CNKSR2: variants seen among roughly 807,000 people sequenced by gnomAD.
The protein encoded by CNKSR2 is connector enhancer of kinase suppressor of Ras 2.
A neutral mutation model predicts 84.4 loss-of-function variants in CNKSR2; 14 were observed. That is an observed-to-expected ratio of 0.17 (90% CI 0.11 to 0.26). The LOEUF (loss-of-function observed/expected upper bound fraction) is 0.26. Ranked by LOEUF, CNKSR2 falls within the 10% of genes least tolerant of loss-of-function variation. The pLI, the probability that CNKSR2 is intolerant of heterozygous loss-of-function variation, is 1.00. For missense variants in CNKSR2, 485 were observed against 771.2 expected (o/e 0.63, Z 4.40); for synonymous variants, 275 against 277.9 (o/e 0.99, Z 0.10).
chrX:21,523,517 A>G (rs1480348539), intron 9 of CNKSR2, among the ~76,000 whole-genome samples: 3 of 110,936 alleles, frequency 2.7e-5, no homozygotes, highest in East Asian at 2.8e-4. Context: ...AACAGTAACT[A>G]CTTTTCTTAC....
intron 9 of CNKSR2, among the ~76,000 whole-genome samples, chrX:21,518,181 A>T (rs1256322136): frequency 9.0e-6 from 1 of 111,457 alleles, no homozygotes; most frequent in East Asian, 2.8e-4. Flanking sequence ...AGTAGATCAG[A>T]CTTTCCCATT....
At chrX:21,524,983 G>A (rs927256698) in intron 9 of CNKSR2, among the ~76,000 whole-genome samples, 1 of 110,913 alleles carries the variant, frequency 9.0e-6, no homozygotes, top group Non-Finnish European at 1.9e-5. Context: ...TCTGTTAAGT[G>A]AATGTTTTCT....
chrX:21,512,081 T>G (rs936628565), intron 8 of CNKSR2, among the ~76,000 whole-genome samples: 1 of 112,026 alleles, frequency 8.9e-6, no homozygotes, highest in African/African-American at 3.2e-5. Flanking sequence ...TTCACTGTTG[T>G]ATTCATACTA....
intron 18 of CNKSR2, among the ~76,000 whole-genome samples, chrX:21,605,279 A>C (rs1032813615): frequency 1.8e-5 from 2 of 112,088 alleles, no homozygotes; most frequent in African/African-American, 6.5e-5. Context: ...TTTGAGGGAA[A>C]ACTTGGTATA....
chrX:21,604,367 A>G (rs1190546024), intron 18 of CNKSR2, among the ~76,000 whole-genome samples: 2 of 110,895 alleles, frequency 1.8e-5, no homozygotes, highest in Non-Finnish European at 3.8e-5. Flanking sequence ...CCTAATGTAA[A>G]TGACAAGTTA....
chrX:21,416,937 C>G (rs1181694383), intron 1 of CNKSR2, among the ~76,000 whole-genome samples: 2 of 110,868 alleles, frequency 1.8e-5, no homozygotes, highest in African/African-American at 6.6e-5. Context: ...ATGGTCTTAT[C>G]TTTATTATCT....
intron 11 of CNKSR2, among the ~76,000 whole-genome samples, chrX:21,535,963 T>A (rs985963825): frequency 9.0e-6 from 1 of 111,727 alleles, no homozygotes; most frequent in Non-Finnish European, 1.9e-5. Context: ...GAGAAAAAGC[T>A]TTCCACTTTT....
chrX:21,558,770 ATGTT>A (rs1340945127), intron 11 of CNKSR2, among the ~76,000 whole-genome samples: 1 of 111,169 alleles, frequency 9.0e-6, no homozygotes, highest in Non-Finnish European at 1.9e-5. Flanking sequence ...TTGTGCACAT[ATGTT>A]TGTCTCCAAA....
In CNKSR2 at chrX:21,374,886, G is replaced by A; in HGVS notation, c.-12G>A. ...TGAGCTCTGCGCTCTGCACGGAACC[G>A]ACCCCGTACCCATGGCTCTGATAAT... On this transcript the variant is annotated 5_prime_UTR_variant, in exon 1 of 22. Coordinates refer to ENST00000379510, the MANE Select transcript of CNKSR2 (RefSeq NM_014927.5). The A allele has an allele frequency of 8.3e-7, 1 of 1,206,742 alleles. No individual in the cohort carries two copies. Among genetic ancestry groups the A allele is most frequent in the Non-Finnish European group, 1.1e-6 (1 of 890,554 alleles).
chrX:21,475,482 A>G (rs2091250975), intron 5 of CNKSR2, among the ~76,000 whole-genome samples: 1 of 111,763 alleles, frequency 8.9e-6, no homozygotes, highest in Non-Finnish European at 1.9e-5. Flanking sequence ...TTAGAATCCT[A>G]TGTAATATAT....
At position 21,499,588 on chromosome X, in the gene CNKSR2, G is replaced by T. The variant is rs934286287; in HGVS notation, c.741+1742G>T. Among the ~76,000 whole-genome samples, 3 of 110,764 alleles carry T rather than the reference G, an allele frequency of 2.7e-5. 1 individual carries two copies. Among genetic ancestry groups the T allele is most frequent in the Non-Finnish European group, 5.7e-5 (3 of 52,594 alleles). On this transcript the variant is annotated intron_variant, in intron 7 of 21. Coordinates refer to ENST00000379510, the MANE Select transcript of CNKSR2 (RefSeq NM_014927.5). The stretch of plus-strand genomic sequence containing the variant: ...GTGATCAAAAGAGAGATTGAGTCTG[G>T]GAGTAGTTCAGATATGAACCATATA...
At chrX:21,585,731 T>C (rs2092382951) in intron 13 of CNKSR2, among the ~76,000 whole-genome samples, 1 of 111,184 alleles carries the variant, frequency 9.0e-6, no homozygotes, top group Non-Finnish European at 1.9e-5. Flanking sequence ...AATTCTTAAG[T>C]TGCTAAAGGT....
chrX:21,544,795 C>T (rs1486946903), intron 11 of CNKSR2, among the ~76,000 whole-genome samples: 1 of 111,055 alleles, frequency 9.0e-6, no homozygotes, highest in Non-Finnish European at 1.9e-5. Flanking sequence ...GGTCGGGGAC[C>T]TCCCTCCCCT....
chrX:21,622,962 A>G (rs2092608046), intron 20 of CNKSR2, among the ~76,000 whole-genome samples: 1 of 111,603 alleles, frequency 9.0e-6, no homozygotes, highest in Admixed American at 9.5e-5. Context: ...ACAATTTACA[A>G]TATTTTTAAG....
intron 1 of CNKSR2, among the ~76,000 whole-genome samples, chrX:21,403,773 A>G (rs2090224939): frequency 8.9e-6 from 1 of 111,842 alleles, no homozygotes; most frequent in South Asian, 3.7e-4. Context: ...AGCTGGTCTT[A>G]CTATTAATAA....
chrX:21,388,086 A>G (rs138704672), intron 1 of CNKSR2, among the ~76,000 whole-genome samples: 1,149 of 110,554 alleles, frequency 0.01, 3 homozygotes, highest in Middle Eastern at 0.023. Flanking sequence ...TTTTTAGTGT[A>G]CACAAGGTTT....
chrX:21,591,200 A>G lies in CNKSR2; in HGVS notation c.1830+6A>G. On this transcript the variant is annotated splice_donor_region_variant and intron_variant, in intron 15 of 21. Coordinates refer to ENST00000379510, the MANE Select transcript of CNKSR2 (RefSeq NM_014927.5). ...ATTGGTATATTAATGAGGAGGTAAG[A>G]TAAAGCACCTTTTGTTTTCTCATCC... is the stretch of plus-strand genomic sequence containing the variant. 1 of 1,148,975 alleles carries G rather than the reference A, an allele frequency of 8.7e-7. No homozygotes were observed. The highest frequency in any genetic ancestry group is 1.2e-6 in the Non-Finnish European group (1 of 853,483). 94.7% of individuals were successfully genotyped at this position (1,148,975 alleles called of 1,213,427 possible).
chrX:21,513,665 T>C (rs1014537834), intron 8 of CNKSR2, among the ~76,000 whole-genome samples: 1 of 111,884 alleles, frequency 8.9e-6, no homozygotes, highest in Admixed American at 9.5e-5. Context: ...GTGAGACTTA[T>C]AAAATCTTGA....
chrX:21,585,198 A>T (rs2092378529), intron 13 of CNKSR2, among the ~76,000 whole-genome samples: 1 of 108,264 alleles, frequency 9.2e-6, no homozygotes, highest in African/African-American at 3.4e-5. Context: ...AGCCAAGATC[A>T]TGCCACTGCA....
Sources: allele counts gnomAD v4.1 joint callset (sites outside exome capture counted in the v4.1 genomes callset), GRCh38; gene constraint gnomAD v4.1.1; transcripts MANE v1.5; gene names NCBI Gene and HGNC (gene_info 2026-07-23, HGNC 2026-07-21).